C4orf36: variants seen among roughly 807,000 people sequenced by gnomAD.
C4orf36 encodes the protein chromosome 4 open reading frame 36.
C4orf36 carries 11 observed loss-of-function variants against 12.2 expected under a neutral mutation model. That is an observed-to-expected ratio of 0.90 (90% CI 0.57 to 1.49). The LOEUF (loss-of-function observed/expected upper bound fraction) is 1.49. Ranked by LOEUF, C4orf36 falls within the 40% of genes most tolerant of loss-of-function variation. C4orf36 has a pLI of 0.00. For synonymous variants in C4orf36, 54 were observed against 51.3 expected, an observed-to-expected ratio of 1.05 and a Z score of -0.22; for missense variants, 137 against 133.9, an observed-to-expected ratio of 1.02 and a Z score of -0.11.
the C4orf36 span, among the ~76,000 whole-genome samples, chr4:86,923,528 C>T: frequency 1.3e-5 from 2 of 152,204 alleles, no homozygotes; most frequent in African/African-American, 2.4e-5. Flanking sequence ...GAGGCCAAGG[C>T]GGGTGGATCA....
At chr4:86,917,828 C>G in the C4orf36 span, among the ~76,000 whole-genome samples, 1 of 152,098 alleles carries the variant, frequency 6.6e-6, no homozygotes, top group Non-Finnish European at 1.5e-5. Context: ...AGGCTACAAA[C>G]CTTTACAGCA....
the C4orf36 span, among the ~76,000 whole-genome samples, chr4:86,903,514 C>T: frequency 6.8e-3 from 1,036 of 152,308 alleles, 15 homozygotes; most frequent in African/African-American, 0.023. Context: ...CCAGTAGGTT[C>T]GTGGTCTCGC....
chr4:86,878,963 T>G (rs756978874), intron 4 of C4orf36, among the ~76,000 whole-genome samples: 1 of 152,234 alleles, frequency 6.6e-6, no homozygotes, highest in African/African-American at 2.4e-5. Context: ...CCAGAAAGGT[T>G]TGGGAGGTCG....
At chr4:86,930,432 CATG>C in the C4orf36 span, among the ~76,000 whole-genome samples, 1 of 152,350 alleles carries the variant, frequency 6.6e-6, no homozygotes, top group Non-Finnish European at 1.5e-5. Flanking sequence ...GTTATGTAAT[CATG>C]ATCAAGATGA....
upstream of C4orf36, among the ~76,000 whole-genome samples, chr4:86,896,831 A>G (rs1747600443): frequency 6.6e-6 from 1 of 152,160 alleles, no homozygotes; most frequent in Non-Finnish European, 1.5e-5. Context: ...AATGTAATTC[A>G]TCTCCTACTC....
chr4:86,895,844 C>A (rs546942207), upstream of C4orf36, among the ~76,000 whole-genome samples: 1 of 151,544 alleles, frequency 6.6e-6, no homozygotes, highest in African/African-American at 2.4e-5. Context: ...CTACACACAT[C>A]TTTCTATTAG....
intron 3 of C4orf36, 76 bp downstream of exon 3, chr4:86,888,045 A>T: frequency 6.4e-7 from 1 of 1,554,634 alleles, no homozygotes; most frequent in Non-Finnish European, 8.8e-7. Context: ...GTAAATACAC[A>T]GATTTAAACA....
the C4orf36 span, among the ~76,000 whole-genome samples, chr4:86,901,280 C>G: frequency 6.6e-6 from 1 of 152,118 alleles, no homozygotes; most frequent in Non-Finnish European, 1.5e-5. Context: ...CTGAGCCCGG[C>G]CAATGGTTCT....
the C4orf36 span, among the ~76,000 whole-genome samples, chr4:86,899,164 AT>A: frequency 5.9e-5 from 9 of 151,608 alleles, no homozygotes; most frequent in East Asian, 7.7e-4. Context: ...ATTTTACTCA[AT>A]TTTTTTTTGT....
chr4:86,914,112 G>A, the C4orf36 span: 1 of 1,604,816 alleles, frequency 6.2e-7, no homozygotes, highest in Middle Eastern at 1.7e-4. Flanking sequence ...GTCATTTTCA[G>A]ACTCAAAGTA....
the C4orf36 span, chr4:86,926,151 T>C: frequency 1.3e-5 from 2 of 152,498 alleles, no homozygotes; most frequent in African/African-American, 4.8e-5. Context: ...AGTGTTGGGA[T>C]TACAGGCGTG....
chr4:86,879,790 GAA>G (rs1395807563), intron 4 of C4orf36, among the ~76,000 whole-genome samples: 3 of 151,410 alleles, frequency 2.0e-5, no homozygotes, highest in African/African-American at 7.3e-5. Context: ...AGCAGCAAGA[GAA>G]AAGTGACTCA....
At chr4:86,915,462 T>C in the C4orf36 span, among the ~76,000 whole-genome samples, 1 of 152,156 alleles carries the variant, frequency 6.6e-6, no homozygotes, top group Non-Finnish European at 1.5e-5. Flanking sequence ...GGCTTTAGGG[T>C]GGGCCTTAAT....
At chr4:86,919,717 T>C in the C4orf36 span, among the ~76,000 whole-genome samples, 1 of 152,164 alleles carries the variant, frequency 6.6e-6, no homozygotes, top group East Asian at 1.9e-4. Flanking sequence ...GCCACACAGA[T>C]CCTAAAAATA....
chr4:86,902,014 C>T, the C4orf36 span, among the ~76,000 whole-genome samples: 1 of 152,068 alleles, frequency 6.6e-6, no homozygotes, highest in African/African-American at 2.4e-5. Flanking sequence ...GTACTTATGA[C>T]ACATATAGAT....
intron 2 of C4orf36, chr4:86,889,936 T>G (rs919738619): frequency 2.6e-6 from 1 of 391,310 alleles, no homozygotes; most frequent in African/African-American, 2.1e-5. Context: ...GGCTCATGCC[T>G]GTAATTCCAG....
chr4:86,900,720 C>T, the C4orf36 span, among the ~76,000 whole-genome samples: 1 of 152,016 alleles, frequency 6.6e-6, no homozygotes, highest in South Asian at 2.1e-4. Flanking sequence ...GCCCATGATG[C>T]CTGAAATCAG....
At chr4:86,926,725 C>T in the C4orf36 span, among the ~76,000 whole-genome samples, 2 of 152,082 alleles carry the variant, frequency 1.3e-5, no homozygotes, top group East Asian at 1.9e-4. Flanking sequence ...GGTATACTTA[C>T]GTTATTGCTG....
At chr4:86,880,230 TG>T (rs979222686) in intron 4 of C4orf36, among the ~76,000 whole-genome samples, 22 of 152,206 alleles carry the variant, frequency 1.4e-4, no homozygotes, top group Middle Eastern at 3.4e-3. Flanking sequence ...CCCAGCACCT[TG>T]GGAGGCCAAG....
Sources: gnomAD v4.1 joint callset for allele counts (sites outside exome capture counted in the v4.1 genomes callset) on GRCh38, gnomAD v4.1.1 for gene constraint, MANE v1.5 for transcripts, NCBI Gene and HGNC (gene_info 2026-07-23, HGNC 2026-07-21) for gene names.